Variants in BAZ1A observed in about 807,000 individuals in gnomAD.
The protein encoded by BAZ1A is bromodomain adjacent to zinc finger domain 1A.
BAZ1A carries 50 observed loss-of-function variants against 185.2 expected under a neutral mutation model. The observed-to-expected ratio is 0.27, with a 90% CI of 0.22 to 0.34. BAZ1A has a LOEUF of 0.34. BAZ1A is among the 10% of genes least tolerant of loss of function. The pLI is 1.00. For synonymous variants in BAZ1A, 571 were observed against 615.6 expected, an observed-to-expected ratio of 0.93 and a Z score of 1.07; for missense variants, 1,356 against 1,839.9, an observed-to-expected ratio of 0.74 and a Z score of 4.81.
In BAZ1A at chr14:34,802,864, T is replaced by A; in HGVS notation, c.851A>T (p.His284Leu). The part of the protein sequence containing the change: ...RRRGRPPKRI[H>L]ISQEDNVANK... Reference sequence around the variant, plus strand: ...CAATTCTGTACTTACTTGACTAATATGTATTCGTTTGGGAGGTCTCCCTCT... The same window carrying A: ...CAATTCTGTACTTACTTGACTAATAAGTATTCGTTTGGGAGGTCTCCCTCT... Residue 284 changes from histidine to leucine, a missense_variant, in exon 7 of 27, where the codon CAT becomes CTT. His to Leu is a moderately conservative substitution (Grantham distance 99). Coordinates refer to ENST00000360310, the MANE Select transcript of BAZ1A (RefSeq NM_013448.3). 3 of 1,613,056 alleles carry A rather than the reference T, an allele frequency of 1.9e-6. No individual in the cohort carries two copies. Among genetic ancestry groups the A allele is most frequent in the Non-Finnish European group, 2.5e-6 (3 of 1,179,324 alleles).
chr14:34,849,532 GA>G (rs200000902), intron 3 of BAZ1A, among the ~76,000 whole-genome samples: 14 of 149,606 alleles, frequency 9.4e-5, no homozygotes, highest in African/African-American at 3.2e-4. Flanking sequence ...TACTTTAATA[GA>G]AAAAAAAACA....
chr14:34,803,596 T>C (rs1290147390), intron 6 of BAZ1A, among the ~76,000 whole-genome samples: 1 of 150,516 alleles, frequency 6.6e-6, no homozygotes. Flanking sequence ...TATTATACAA[T>C]AATTTGTTTT....
chr14:34,858,236 TG>T (rs527241544), intron 3 of BAZ1A, among the ~76,000 whole-genome samples: 72 of 152,314 alleles, frequency 4.7e-4, no homozygotes, highest in African/African-American at 1.5e-3. Context: ...ACTAATTTTA[TG>T]TTGTGTATTT....
chr14:34,784,184 C>T (rs929412920), intron 14 of BAZ1A, among the ~76,000 whole-genome samples: 2 of 151,684 alleles, frequency 1.3e-5, no homozygotes, highest in East Asian at 3.9e-4. Flanking sequence ...GCCTGGCCAA[C>T]ATGGTGAAAC....
chr14:34,821,755 C>T (rs567765606), intron 4 of BAZ1A, among the ~76,000 whole-genome samples: 46 of 152,148 alleles, frequency 3.0e-4, no homozygotes, highest in South Asian at 2.3e-3. Context: ...GAAGCCAAGG[C>T]GGGCAGATCA....
At chr14:34,801,637 A>C (rs1211966584) in intron 7 of BAZ1A, among the ~76,000 whole-genome samples, 1 of 152,148 alleles carries the variant, frequency 6.6e-6, no homozygotes, top group Non-Finnish European at 1.5e-5. Flanking sequence ...GGCCGGGCAC[A>C]GTGGCTCATG....
intron 6 of BAZ1A, 105 bp downstream of exon 6, chr14:34,807,346 C>T (rs1881907536): frequency 2.7e-6 from 2 of 743,454 alleles, no homozygotes; most frequent in African/African-American, 3.7e-5. Flanking sequence ...TAAAAGAGAG[C>T]AATCTTTAAT....
intron 6 of BAZ1A, among the ~76,000 whole-genome samples, chr14:34,807,058 G>A (rs1272500312): frequency 6.8e-6 from 1 of 146,622 alleles, no homozygotes; most frequent in Non-Finnish European, 1.5e-5. Context: ...CCCAGCCAAT[G>A]CTCTTTTTAT....
intron 21 of BAZ1A, among the ~76,000 whole-genome samples, chr14:34,766,879 A>G (rs182114224): frequency 2.0e-5 from 3 of 152,372 alleles, no homozygotes; most frequent in Non-Finnish European, 4.4e-5. Context: ...CAAACTCATA[A>G]AGACTTCAGA....
chr14:34,761,281 CAAATAAA>C (rs1025301590), intron 24 of BAZ1A, among the ~76,000 whole-genome samples: 9 of 152,040 alleles, frequency 5.9e-5, no homozygotes, highest in Non-Finnish European at 1.0e-4. Context: ...GTCAGTCAAT[CAAATAAA>C]AAATAAAAAG....
chr14:34,798,393 G>C (rs917226132), intron 9 of BAZ1A, among the ~76,000 whole-genome samples: 3 of 152,256 alleles, frequency 2.0e-5, no homozygotes, highest in African/African-American at 7.2e-5. Flanking sequence ...CCTGACCCCT[G>C]TGCAGCCTAA....
chr14:34,810,487 G>A (rs1261278154), intron 5 of BAZ1A, among the ~76,000 whole-genome samples: 1 of 152,142 alleles, frequency 6.6e-6, no homozygotes, highest in African/African-American at 2.4e-5. Context: ...CAAACGTGAC[G>A]TTTATAAGCA....
chr14:34,820,122 G>GTTTTTTTTTTTTTTTTT (rs59706713), intron 4 of BAZ1A, among the ~76,000 whole-genome samples: 1 of 80,662 alleles, frequency 1.2e-5, no homozygotes, highest in Non-Finnish European at 2.2e-5. Flanking sequence ...TGGGTTCCTC[G>GTTTTTTTTTTTTTTTTT]TTTTTTTTTT....
In BAZ1A at chr14:34,764,795, C is replaced by T. The variant is rs1878718604; in HGVS notation, c.3688G>A (p.Asp1230Asn). 1 of 1,612,316 alleles carries T rather than the reference C, an allele frequency of 6.2e-7. No individual in the cohort carries two copies. The highest frequency in any genetic ancestry group is 8.5e-7 in the Non-Finnish European group (1 of 1,178,476). Residue 1230 changes from aspartate to asparagine, a missense_variant, in exon 23 of 27, where the codon GAT (aspartate) becomes AAT (asparagine). Coordinates refer to ENST00000360310, the MANE Select transcript of BAZ1A (RefSeq NM_013448.3). ...CTTTGACCTTCTTCTTCATCGCCAT[C>T]AACTTCATCATCCTCACCTCCCATA... ...DSMGGEDDEVDGDEEEGQSEE... is the reference protein window; with the variant it reads ...DSMGGEDDEVNGDEEEGQSEE...
rs1484428209 is a variant in BAZ1A, at chr14:34,764,758, T to G, written c.3725A>C (p.Glu1242Ala). ...ATCTTCATCTTGTTCTACCTCATAC[T>G]CTTCCTCCTCACTTTGACCTTCTTC... ...DEEEGQSEEEEYEVEQDEDDS... is the reference protein window; with the variant it reads ...DEEEGQSEEEAYEVEQDEDDS... Residue 1242 changes from glutamate (E) to alanine (A), a missense_variant, in exon 23 of 27, where the codon GAG (glutamate) becomes GCG (alanine). By Grantham distance (107) the Glu-to-Ala change is moderately radical (BLOSUM62 -1). Transcript: ENST00000360310. 6.2e-7 allele frequency: 1 copy of G among 1,608,900 alleles called. No individual in the cohort carries two copies. The highest frequency in any genetic ancestry group is 1.7e-5 in the Admixed American group (1 of 59,982).
At chr14:34,786,416 C>T (rs1880441539) in intron 12 of BAZ1A, 195 bp from the exon 13 acceptor site, 4 of 487,948 alleles carry the variant, frequency 8.2e-6, no homozygotes, top group Non-Finnish European at 1.4e-5. Flanking sequence ...CCAAGCACTA[C>T]ACACTGACAT....
chr14:34,796,423 T>C (rs1881203584), intron 9 of BAZ1A, among the ~76,000 whole-genome samples: 2 of 152,210 alleles, frequency 1.3e-5, no homozygotes. Context: ...TTAGACTGCC[T>C]AAAATGAAAC....
chr14:34,794,656 G>C (rs1279239560), intron 11 of BAZ1A, 93 bp downstream of exon 11: 1 of 1,283,424 alleles, frequency 7.8e-7, no homozygotes, highest in African/African-American at 1.5e-5. Context: ...CAACTCCAGT[G>C]CCCCCACAGA....
At chr14:34,827,080 C>A (rs1351970410) in intron 3 of BAZ1A, among the ~76,000 whole-genome samples, 1 of 134,070 alleles carries the variant, frequency 7.5e-6, no homozygotes, top group Non-Finnish European at 1.7e-5. Context: ...CCCATCCCTT[C>A]TCCTATCTCT....
Sources: allele counts gnomAD v4.1 joint callset (sites outside exome capture counted in the v4.1 genomes callset), GRCh38; gene constraint gnomAD v4.1.1; transcripts MANE v1.5; gene names NCBI Gene and HGNC (gene_info 2026-07-23, HGNC 2026-07-21).